Variants in SHISA9 observed in about 807,000 individuals in gnomAD.
SHISA9 encodes the protein shisa family member 9.
SHISA9 carries 13 observed loss-of-function variants against 38.0 expected under a neutral mutation model. The ratio of observed to expected loss-of-function variants is 0.34; its 90% CI spans 0.22 to 0.54. The LOEUF is 0.54. Ranked by LOEUF, SHISA9 falls within the 20% of genes least tolerant of loss-of-function variation. The pLI is 0.91. For missense variants in SHISA9, 538 were observed against 575.8 expected (o/e 0.93, Z 0.67); for synonymous variants, 275 against 242.0 (o/e 1.14, Z -1.27).
At chr16:13,069,088 G>T (rs1209690074) in intron 2 of SHISA9, among the ~76,000 whole-genome samples, 3 of 151,874 alleles carry the variant, frequency 2.0e-5, no homozygotes, top group Admixed American at 2.0e-4. Context: ...TACATGCAAT[G>T]TGTATGTGTG....
At chr16:13,216,940 C>G (rs1487269008) in intron 4 of SHISA9, among the ~76,000 whole-genome samples, 2 of 152,144 alleles carry the variant, frequency 1.3e-5, no homozygotes, top group African/African-American at 4.8e-5. Context: ...ACAACTGTCA[C>G]ACCATTTTAA....
chr16:13,393,738 A>T, the SHISA9 span, among the ~76,000 whole-genome samples: 1 of 152,124 alleles, frequency 6.6e-6, no homozygotes, highest in Non-Finnish European at 1.5e-5. Context: ...AGTAACTGAG[A>T]GTCTGGAGGG....
chr16:13,330,466 G>A, the SHISA9 span, among the ~76,000 whole-genome samples: 1 of 152,112 alleles, frequency 6.6e-6, no homozygotes, highest in Admixed American at 6.5e-5. Flanking sequence ...TAGTTCCCTA[G>A]GTCACCTCTC....
chr16:13,449,554 A>T, the SHISA9 span, among the ~76,000 whole-genome samples: 1 of 152,254 alleles, frequency 6.6e-6, no homozygotes, highest in African/African-American at 2.4e-5. Flanking sequence ...ATACAGAGAG[A>T]ATCCACTGGA....
In SHISA9 at chr16:13,086,096, G is replaced by A. The variant is rs1315774134; in HGVS notation, c.692-117298G>A. On this transcript the variant is annotated intron_variant, in intron 2 of 4. Coordinates refer to ENST00000558583, the MANE Select transcript of SHISA9 (RefSeq NM_001145204.3). Reference sequence around the variant, plus strand: ...TCATTGGCCTGTCACAGTGGCTCACGCCTGTAATCCCAGCACTTTGGGAGG... The same window carrying A: ...TCATTGGCCTGTCACAGTGGCTCACACCTGTAATCCCAGCACTTTGGGAGG... Among the ~76,000 whole-genome samples, 4 of 152,054 alleles carry A rather than the reference G, an allele frequency of 2.6e-5. No homozygotes were observed. In the South Asian group the frequency reaches 6.3e-4, roughly 24 times the overall value.
At chr16:13,512,444 G>T in the SHISA9 span, among the ~76,000 whole-genome samples, 1 of 152,028 alleles carries the variant, frequency 6.6e-6, no homozygotes, top group Non-Finnish European at 1.5e-5. Context: ...TTAATTTATA[G>T]ATTCAATGCT....
intron 2 of SHISA9, among the ~76,000 whole-genome samples, chr16:12,993,331 A>G (rs1567175344): frequency 6.6e-6 from 1 of 152,208 alleles, no homozygotes; most frequent in Non-Finnish European, 1.5e-5. Flanking sequence ...AGCCAGCAAC[A>G]TAACACAGTA....
At chr16:13,013,270 G>T (rs2072700791) in intron 2 of SHISA9, among the ~76,000 whole-genome samples, 1 of 152,168 alleles carries the variant, frequency 6.6e-6, no homozygotes, top group Non-Finnish European at 1.5e-5. Flanking sequence ...CTCTGCTGGG[G>T]CTAGCTGCCA....
intron 4 of SHISA9, among the ~76,000 whole-genome samples, chr16:13,232,687 G>A (rs760164862): frequency 2.6e-5 from 4 of 152,198 alleles, no homozygotes; most frequent in Non-Finnish European, 4.4e-5. Context: ...GGGACAATTC[G>A]AAGGGGATGG....
At chr16:13,521,102 T>C in the SHISA9 span, among the ~76,000 whole-genome samples, 1 of 152,172 alleles carries the variant, frequency 6.6e-6, no homozygotes, top group Non-Finnish European at 1.5e-5. Context: ...TGATGTCTCA[T>C]CAGTGAAGAG....
chr16:13,502,703 C>T, the SHISA9 span, among the ~76,000 whole-genome samples: 2 of 151,908 alleles, frequency 1.3e-5, no homozygotes, highest in African/African-American at 4.8e-5. Context: ...GGTGAAACCC[C>T]ATCTCTACTA....
At chr16:13,098,570 C>T (rs1466157043) in intron 2 of SHISA9, among the ~76,000 whole-genome samples, 6 of 152,170 alleles carry the variant, frequency 3.9e-5, no homozygotes, top group Admixed American at 3.3e-4. Flanking sequence ...GAGCCACTTT[C>T]AGGCTACAAT....
At chr16:13,503,697 A>AT in the SHISA9 span, among the ~76,000 whole-genome samples, 2 of 151,952 alleles carry the variant, frequency 1.3e-5, no homozygotes, top group Non-Finnish European at 2.9e-5. Flanking sequence ...CAAAAAAAAA[A>AT]AAATTGTAAC....
At chr16:13,245,202 C>T (rs993425151), downstream of SHISA9, among the ~76,000 whole-genome samples, 2 of 152,178 alleles carry the variant, frequency 1.3e-5, no homozygotes, top group Non-Finnish European at 2.9e-5. Context: ...CAGGCATGAG[C>T]CTCTGCACCC....
the SHISA9 span, among the ~76,000 whole-genome samples, chr16:13,363,753 G>T: frequency 6.6e-6 from 1 of 152,178 alleles, no homozygotes; most frequent in South Asian, 2.1e-4. Flanking sequence ...AGCATGCATT[G>T]CTTGGTGGTT....
chr16:13,289,676 AAGAG>A, the SHISA9 span, among the ~76,000 whole-genome samples: 2 of 150,048 alleles, frequency 1.3e-5, no homozygotes, highest in African/African-American at 4.9e-5. Context: ...GAGAGAGAGA[AAGAG>A]AGAGAGAGAG....
chr16:13,409,904 T>C, the SHISA9 span, among the ~76,000 whole-genome samples: 2 of 152,238 alleles, frequency 1.3e-5, no homozygotes, highest in African/African-American at 2.4e-5. Flanking sequence ...AACTTAAACT[T>C]TGCAGTAAAT....
intron 2 of SHISA9, among the ~76,000 whole-genome samples, chr16:13,008,633 T>TCCCC (rs1262641938): frequency 2.2e-5 from 2 of 90,056 alleles, no homozygotes; most frequent in Admixed American, 1.2e-4. Context: ...TCTCCCTCTC[T>TCCCC]CCTCCCTCCC....
At chr16:13,428,627 A>G in the SHISA9 span, among the ~76,000 whole-genome samples, 2 of 152,282 alleles carry the variant, frequency 1.3e-5, no homozygotes, top group African/African-American at 4.8e-5. Flanking sequence ...AGACCTAAAC[A>G]TTGGATAAAT....
Sources: gnomAD v4.1 joint callset for allele counts (sites outside exome capture counted in the v4.1 genomes callset) on GRCh38, gnomAD v4.1.1 for gene constraint, MANE v1.5 for transcripts, NCBI Gene and HGNC (gene_info 2026-07-23, HGNC 2026-07-21) for gene names.